The following SGCD variants were observed in gnomAD, a reference collection of about 807,000 sequenced individuals.
SGCD encodes sarcoglycan delta.
SGCD carries 18 observed loss-of-function variants against 36.6 expected under a neutral mutation model. The ratio of observed to expected loss-of-function variants is 0.49; its 90% CI spans 0.34 to 0.73. The LOEUF is 0.73. Ranked by LOEUF, SGCD falls within the 30% of genes least tolerant of loss-of-function variation. The probability of loss-of-function intolerance (pLI) is 0.01; values close to 1 mark genes in which losing one functional copy is unlikely to be tolerated. For synonymous variants in SGCD, 133 were observed against 130.6 expected (o/e 1.02, Z -0.12); for missense variants, 387 against 346.7 (o/e 1.12, Z -0.92).
At chr5:156,481,297 T>C (rs1400628807) in intron 3 of SGCD, among the ~76,000 whole-genome samples, 1 of 152,110 alleles carries the variant, frequency 6.6e-6, no homozygotes, top group Non-Finnish European at 1.5e-5. Flanking sequence ...GTCTATGTTA[T>C]TGGGGAAGGC....
chr5:156,285,057 T>G (rs1766557209), intron 3 of SGCD, among the ~76,000 whole-genome samples: 1 of 152,056 alleles, frequency 6.6e-6, no homozygotes, highest in African/African-American at 2.4e-5. Flanking sequence ...AAATCACGAG[T>G]GAACTCCCAT....
intron 3 of SGCD, among the ~76,000 whole-genome samples, chr5:156,480,189 C>G (rs1426690199): frequency 6.6e-6 from 1 of 152,232 alleles, no homozygotes; most frequent in Non-Finnish European, 1.5e-5. Flanking sequence ...ATGTTCAACT[C>G]TACCTAACAG....
chr5:155,822,725 A>G, the SGCD span, among the ~76,000 whole-genome samples: 1 of 152,238 alleles, frequency 6.6e-6, no homozygotes, highest in Non-Finnish European at 1.5e-5. Flanking sequence ...AGCATTGCAT[A>G]ATATAAGGAA....
chr5:156,486,936 A>G (rs1227704252), intron 3 of SGCD, among the ~76,000 whole-genome samples: 2 of 152,016 alleles, frequency 1.3e-5, no homozygotes, highest in Non-Finnish European at 2.9e-5. Flanking sequence ...TGTTACCACC[A>G]CTGATACCAC....
At chr5:156,595,159 G>A (rs944806389) in intron 6 of SGCD, 108 bp downstream of exon 6, 3 of 1,290,292 alleles carry the variant, frequency 2.3e-6, no homozygotes, top group Non-Finnish European at 3.1e-6. Flanking sequence ...TTCATATATC[G>A]AAATCCTAAC....
chr5:156,545,336 A>G (rs1758527176), intron 4 of SGCD, among the ~76,000 whole-genome samples: 1 of 152,156 alleles, frequency 6.6e-6, no homozygotes, highest in African/African-American at 2.4e-5. Context: ...TAATCCCAGC[A>G]CTGCCACTGT....
At chr5:156,685,105 C>A (rs1425801780) in intron 7 of SGCD, among the ~76,000 whole-genome samples, 2 of 152,038 alleles carry the variant, frequency 1.3e-5, no homozygotes, top group Non-Finnish European at 2.9e-5. Context: ...TTGTCATTCA[C>A]CTTGAAAGCA....
At chr5:155,840,574 C>A in the SGCD span, among the ~76,000 whole-genome samples, 4 of 138,974 alleles carry the variant, frequency 2.9e-5, no homozygotes, top group Admixed American at 3.1e-4. Flanking sequence ...CAGGCGTGAG[C>A]CACTGCACCC....
intron 6 of SGCD, among the ~76,000 whole-genome samples, chr5:156,646,129 C>A (rs1310998021): frequency 2.0e-5 from 3 of 152,100 alleles, no homozygotes; most frequent in African/African-American, 4.8e-5. Flanking sequence ...AACATATGGA[C>A]CCCCACTGGC....
chr5:156,209,690 G>T lies in SGCD; in HGVS notation c.-44+85671G>T, dbSNP rs1764385269. Among the ~76,000 whole-genome samples the T allele has an allele frequency of 2.0e-5, 3 of 152,206 alleles. No individual in the cohort carries two copies. In the South Asian group the frequency reaches 6.2e-4, roughly 32 times the overall value. ...CTCAGGATTAAATCCAATAATGTGG[G>T]CATAGGTTCCAGTCCAGCACCCACA... On this transcript the variant is annotated intron_variant, in intron 3 of 9. Transcript: ENST00000517913.
intron 4 of SGCD, among the ~76,000 whole-genome samples, chr5:156,530,585 C>CTT: frequency 7.0e-6 from 1 of 141,942 alleles, no homozygotes; most frequent in South Asian, 2.3e-4. Context: ...TTTTCTTTTT[C>CTT]TTTTTTTTTC....
At chr5:156,685,806 C>G (rs941211306) in intron 7 of SGCD, among the ~76,000 whole-genome samples, 1 of 152,156 alleles carries the variant, frequency 6.6e-6, no homozygotes, top group Non-Finnish European at 1.5e-5. Flanking sequence ...TGCCATGAGG[C>G]CTGACATACA....
chr5:156,179,732 T>G (rs1378126425), intron 3 of SGCD, among the ~76,000 whole-genome samples: 1 of 151,990 alleles, frequency 6.6e-6, no homozygotes, highest in Non-Finnish European at 1.5e-5. Context: ...CAAGTGATTC[T>G]TCTGCCTCAG....
At chr5:155,736,430 T>A in the SGCD span, among the ~76,000 whole-genome samples, 1 of 152,192 alleles carries the variant, frequency 6.6e-6, no homozygotes, top group Admixed American at 6.5e-5. Flanking sequence ...AAGGGTCAAG[T>A]GCAAGGCAGA....
intron 6 of SGCD, among the ~76,000 whole-genome samples, chr5:156,632,645 A>G (rs190166622): frequency 6.6e-6 from 1 of 152,308 alleles, no homozygotes; most frequent in East Asian, 1.9e-4. Context: ...TGGGAACTCA[A>G]GACTTACACT....
At chr5:156,690,284 A>G (rs1211967718) in intron 7 of SGCD, among the ~76,000 whole-genome samples, 3 of 152,200 alleles carry the variant, frequency 2.0e-5, no homozygotes, top group Admixed American at 1.3e-4. Flanking sequence ...TACTGAGCCC[A>G]TGCTCTTGAT....
intron 7 of SGCD, among the ~76,000 whole-genome samples, chr5:156,656,300 T>C (rs764955947): frequency 1.3e-4 from 20 of 152,132 alleles, no homozygotes; most frequent in Middle Eastern, 3.4e-3. Flanking sequence ...ACAACAGAAA[T>C]GTCACCGCCC....
At chr5:155,736,843 A>G in the SGCD span, among the ~76,000 whole-genome samples, 2 of 152,226 alleles carry the variant, frequency 1.3e-5, no homozygotes, top group Non-Finnish European at 2.9e-5. Context: ...GGGTAGAGGA[A>G]TTAATAAATC....
rs1004051180 is a variant in SGCD, at chr5:156,327,203, A to G, written c.-73A>G. ...CGCCCTGGGATCGCGGGCGGTTTTCATCGGCCGGTTTGTGAAACGGACAAG... is the reference window on the plus strand; with the variant it reads ...CGCCCTGGGATCGCGGGCGGTTTTCGTCGGCCGGTTTGTGAAACGGACAAG... On this transcript the variant is annotated 5_prime_UTR_variant, in exon 1 of 9. Transcript: ENST00000337851. The G allele has an allele frequency of 6.6e-6, 1 of 152,356 alleles. No individual in the cohort carries two copies. The highest frequency in any genetic ancestry group is 2.4e-5 in the African/African-American group (1 of 41,464). 9.4% of individuals were successfully genotyped at this position (152,356 alleles called of 1,614,324 possible).
Sources: gnomAD v4.1 joint callset for allele counts (sites outside exome capture counted in the v4.1 genomes callset) on GRCh38, gnomAD v4.1.1 for gene constraint, MANE v1.5 for transcripts, NCBI Gene and HGNC (gene_info 2026-07-23, HGNC 2026-07-21) for gene names.